The following MTREX variants were observed in gnomAD, a reference collection of about 807,000 sequenced individuals.
The protein encoded by MTREX is exosome RNA helicase MTR4.
MTREX carries 76 observed loss-of-function variants against 135.4 expected under a neutral mutation model. The ratio of observed to expected loss-of-function variants is 0.56; its 90% CI spans 0.47 to 0.68. The LOEUF (loss-of-function observed/expected upper bound fraction) is 0.68, where lower values mean the gene tolerates loss of function less well. Among genes scored for constraint, MTREX ranks in the 30% least tolerant of loss-of-function variants. The pLI is 0.00. For missense variants in MTREX, 920 were observed against 1,262.1 expected (o/e 0.73, Z 4.11); for synonymous variants, 404 against 401.6 (o/e 1.01, Z -0.07).
chr5:55,410,693 T>C, intron 23 of MTREX, 64 bp downstream of exon 23: 3 of 904,164 alleles, frequency 3.3e-6, no homozygotes, highest in Non-Finnish European at 5.1e-6. Flanking sequence ...AATAGTGTTA[T>C]GGCTATATTA....
At chr5:55,358,501 A>G in intron 14 of MTREX, 72 bp from the exon 15 acceptor site, 1 of 1,282,900 alleles carries the variant, frequency 7.8e-7, no homozygotes, top group Non-Finnish European at 1.1e-6. Context: ...ATTTTATAAA[A>G]AGAGAAATTT....
chr5:55,408,194 C>T (rs977800696), intron 22 of MTREX, among the ~76,000 whole-genome samples: 1 of 152,186 alleles, frequency 6.6e-6, no homozygotes, highest in Non-Finnish European at 1.5e-5. Flanking sequence ...CATGCTTTTC[C>T]TTTTGCTTCA....
intron 16 of MTREX, among the ~76,000 whole-genome samples, chr5:55,377,397 T>G (rs1750323481): frequency 6.6e-6 from 1 of 152,160 alleles, no homozygotes; most frequent in Non-Finnish European, 1.5e-5. Flanking sequence ...CCAATATTAG[T>G]TAATACCTCT....
intron 11 of MTREX, 43 bp from the exon 12 acceptor site, chr5:55,349,530 C>T (rs1186084634): frequency 1.9e-6 from 2 of 1,044,646 alleles, no homozygotes; most frequent in Non-Finnish European, 3.0e-6. Context: ...TTTGGTATCA[C>T]TAACTCATTT....
intron 7 of MTREX, among the ~76,000 whole-genome samples, chr5:55,342,272 C>T (rs1007734834): frequency 6.6e-6 from 1 of 152,116 alleles, no homozygotes; most frequent in Non-Finnish European, 1.5e-5. Flanking sequence ...AAGTACAGCT[C>T]TTTAATAGTA....
intron 16 of MTREX, among the ~76,000 whole-genome samples, chr5:55,371,822 C>T (rs1005840758): frequency 2.6e-5 from 4 of 151,906 alleles, no homozygotes; most frequent in South Asian, 2.1e-4. Context: ...AAGACTGTAC[C>T]TAAAGTTAAT....
At chr5:55,323,086 A>ATTT (rs59820102) in intron 2 of MTREX, among the ~76,000 whole-genome samples, 8 of 151,624 alleles carry the variant, frequency 5.3e-5, no homozygotes, top group East Asian at 1.9e-4. Flanking sequence ...AATTTCTGTG[A>ATTT]TTTTTTTTTA....
chr5:55,367,276 A>G (rs1418216310), intron 16 of MTREX, among the ~76,000 whole-genome samples: 1 of 152,064 alleles, frequency 6.6e-6, no homozygotes, highest in Non-Finnish European at 1.5e-5. Context: ...CACGAGGTCA[A>G]GAGATCGAGA....
At chr5:55,316,101 C>T (rs1048825146) in intron 1 of MTREX, among the ~76,000 whole-genome samples, 20 of 152,026 alleles carry the variant, frequency 1.3e-4, no homozygotes, top group African/African-American at 4.8e-4. Flanking sequence ...AATTGATTCC[C>T]TAAACAGACC....
intron 11 of MTREX, among the ~76,000 whole-genome samples, chr5:55,348,359 C>A (rs1460232494): frequency 1.3e-5 from 2 of 152,128 alleles, no homozygotes; most frequent in African/African-American, 4.8e-5. Flanking sequence ...AAGGCCCTAC[C>A]TCTCAACACT....
chr5:55,350,212 C>T (rs1378425266), intron 12 of MTREX, among the ~76,000 whole-genome samples: 1 of 152,112 alleles, frequency 6.6e-6, no homozygotes, highest in Non-Finnish European at 1.5e-5. Context: ...AGAAATAGTG[C>T]TTTAGACTGG....
chr5:55,361,087 T>C (rs1322621167), intron 15 of MTREX, among the ~76,000 whole-genome samples: 1 of 152,220 alleles, frequency 6.6e-6, no homozygotes, highest in East Asian at 1.9e-4. Context: ...GTTTAAACAC[T>C]ATTTGACATG....
chr5:55,425,214 GGTGATTGCTCGGATA>G lies in MTREX; in HGVS notation c.*449_*463del. On this transcript the variant is annotated 3_prime_UTR_variant, in exon 27 of 27. Transcript: ENST00000230640. ...GGGCACCCTGCTGCCTTTCAAGGCT[GGTGATTGCTCGGATA>G]GTGATTCCCAGTTGTTGGTGTTTCA... The G allele has an allele frequency of 1.2e-6, 2 of 1,613,226 alleles. No individual in the cohort carries two copies. Among genetic ancestry groups the G allele is most frequent in the South Asian group, 1.1e-5 (1 of 90,922 alleles).
chr5:55,404,589 G>A (rs762944317), intron 21 of MTREX, among the ~76,000 whole-genome samples: 2 of 152,146 alleles, frequency 1.3e-5, no homozygotes, highest in Non-Finnish European at 2.9e-5. Context: ...CCCTAAGGAT[G>A]AAAAGCTAGA....
chr5:55,377,386 T>G (rs1005131773), intron 16 of MTREX, among the ~76,000 whole-genome samples: 1 of 152,140 alleles, frequency 6.6e-6, no homozygotes, highest in Non-Finnish European at 1.5e-5. Flanking sequence ...ATTTTAAAAA[T>G]CCAATATTAG....
intron 18 of MTREX, among the ~76,000 whole-genome samples, chr5:55,386,564 A>G (rs572166602): frequency 6.6e-6 from 1 of 152,264 alleles, no homozygotes; most frequent in East Asian, 1.9e-4. Context: ...ACACTTGAGA[A>G]TATTTCCATA....
intron 18 of MTREX, among the ~76,000 whole-genome samples, chr5:55,382,686 G>A (rs887131389): frequency 6.6e-6 from 1 of 151,962 alleles, no homozygotes; most frequent in Admixed American, 6.6e-5. Context: ...AGCCTGGAGT[G>A]CAGTGACACA....
chr5:55,409,981 G>A (rs968893815), intron 22 of MTREX, among the ~76,000 whole-genome samples: 2 of 152,134 alleles, frequency 1.3e-5, no homozygotes, highest in South Asian at 2.1e-4. Context: ...TGGGGAGACC[G>A]AGGTGGGAGG....
chr5:55,418,304 T>A (rs188729632), intron 25 of MTREX, among the ~76,000 whole-genome samples: 20 of 150,856 alleles, frequency 1.3e-4, no homozygotes, highest in Admixed American at 4.0e-4. Flanking sequence ...ATGAGTATAT[T>A]TTTTTTTAAA....
Sources: gnomAD v4.1 joint callset for allele counts (sites outside exome capture counted in the v4.1 genomes callset) on GRCh38, gnomAD v4.1.1 for gene constraint, MANE v1.5 for transcripts, NCBI Gene and HGNC (gene_info 2026-07-23, HGNC 2026-07-21) for gene names.